AAK1: variants seen among roughly 807,000 people sequenced by gnomAD.
AAK1 encodes AP2-associated protein kinase 1.
In AAK1, 37 loss-of-function variants were observed where a neutral mutation model predicts 116.0. The ratio of observed to expected loss-of-function variants is 0.32; its 90% CI spans 0.25 to 0.42. The LOEUF (loss-of-function observed/expected upper bound fraction) is 0.42, where lower values mean the gene tolerates loss of function less well. Ranked by LOEUF, AAK1 falls within the 10% of genes least tolerant of loss-of-function variation. AAK1 has a pLI of 1.00. For missense variants in AAK1, 919 were observed against 1,170.6 expected, an observed-to-expected ratio of 0.79 and a Z score of 3.14; for synonymous variants, 458 against 439.9, an observed-to-expected ratio of 1.04 and a Z score of -0.51.
chr2:69,521,636 G>A (rs968114063), intron 10 of AAK1, among the ~76,000 whole-genome samples: 2 of 152,238 alleles, frequency 1.3e-5, no homozygotes, highest in African/African-American at 4.8e-5. Flanking sequence ...GGGTCACCCA[G>A]AGTAAAAATC....
At chr2:69,561,273 T>C (rs971721967) in intron 2 of AAK1, among the ~76,000 whole-genome samples, 3 of 152,214 alleles carry the variant, frequency 2.0e-5, no homozygotes, top group Non-Finnish European at 4.4e-5. Context: ...AGTTAAAAGA[T>C]GATTTGCAAA....
intron 16 of AAK1, among the ~76,000 whole-genome samples, chr2:69,498,550 C>T (rs1206292531): frequency 6.6e-6 from 1 of 152,152 alleles, no homozygotes; most frequent in Non-Finnish European, 1.5e-5. Context: ...GCCCCAGTCC[C>T]TTGCCCTCGC....
At chr2:69,561,667 A>G (rs2105096021) in intron 2 of AAK1, among the ~76,000 whole-genome samples, 1 of 152,332 alleles carries the variant, frequency 6.6e-6, no homozygotes, top group East Asian at 1.9e-4. Flanking sequence ...TCGCAACTGT[A>G]TATACCCGCA....
chr2:69,560,217 T>C (rs1671575840), intron 2 of AAK1, among the ~76,000 whole-genome samples: 1 of 152,208 alleles, frequency 6.6e-6, no homozygotes, highest in African/African-American at 2.4e-5. Context: ...CAAATGGAGA[T>C]GTAAACTAGG....
intron 17 of AAK1, among the ~76,000 whole-genome samples, chr2:69,492,136 C>G (rs17036664): frequency 6.6e-5 from 10 of 151,974 alleles, no homozygotes; most frequent in Admixed American, 2.6e-4. Flanking sequence ...GGTACTTGTA[C>G]GTGAAATCAT....
rs111426712 is a variant in AAK1, at chr2:69,560,007, C to G, written c.164-3029G>C. 7.4e-3 allele frequency among the ~76,000 whole-genome samples: 1,126 copies of G among 152,348 alleles called. 13 individuals carry two copies. Among genetic ancestry groups the G allele is most frequent in the African/African-American group, 0.024 (1,014 of 41,580 alleles). The stretch of plus-strand genomic sequence containing the variant: ...GCTGACAAGAGCCAGCCCAGATTCT[C>G]AAAGCCTATGACCATGATAAATCTA... On this transcript the variant is annotated intron_variant, in intron 2 of 21. Coordinates refer to ENST00000409085, the MANE Select transcript of AAK1 (RefSeq NM_014911.5).
At chr2:69,510,382 T>C (rs1047183402) in intron 13 of AAK1, among the ~76,000 whole-genome samples, 1 of 152,218 alleles carries the variant, frequency 6.6e-6, no homozygotes, top group Non-Finnish European at 1.5e-5. Flanking sequence ...TCCATCCTCC[T>C]TCTTTTTTAT....
intron 17 of AAK1, among the ~76,000 whole-genome samples, chr2:69,495,588 C>A (rs1675705825): frequency 6.6e-6 from 1 of 152,082 alleles, no homozygotes; most frequent in South Asian, 2.1e-4. Context: ...ACCCACAATC[C>A]CATGATCACA....
At chr2:69,559,249 A>ATCTCTC (rs139105045) in intron 2 of AAK1, among the ~76,000 whole-genome samples, 16 of 139,460 alleles carry the variant, frequency 1.1e-4, no homozygotes, top group African/African-American at 4.2e-4. Context: ...GGTCTTATCT[A>ATCTCTC]TCTCTCTCTC....
intron 15 of AAK1, among the ~76,000 whole-genome samples, chr2:69,506,933 G>T (rs1676207497): frequency 1.3e-5 from 2 of 151,760 alleles, no homozygotes; most frequent in South Asian, 4.2e-4. Context: ...TCAGGCAGAA[G>T]TATATCTTCT....
chr2:69,474,204 C>T lies in AAK1; in HGVS notation c.*1665G>A. On this transcript the variant is annotated 3_prime_UTR_variant, in exon 22 of 22. Coordinates refer to ENST00000409085, the MANE Select transcript of AAK1 (RefSeq NM_014911.5). ...TTAAACTTTTTTCCCCCATAAAGTG[C>T]AAATGTGAGGAAGAAGAAACAAAAG... 2 of 985,708 alleles carry T rather than the reference C, an allele frequency of 2.0e-6. No individual in the cohort carries two copies. The highest frequency in any genetic ancestry group is 3.5e-5 in the African/African-American group (2 of 57,278). 61.1% of individuals were successfully genotyped at this position (985,708 alleles called of 1,614,324 possible). A position where few individuals can be genotyped will look rare whatever the true frequency, so the allele number is the denominator to read the frequency against.
rs1674668707 is a variant in AAK1, at chr2:69,471,315, C to A, written c.*4554G>T. ...TTAGTGAAAGGAAATCTGGGAGAAGCAAAAGAGGTTTCTTGTTATAGATTT... is the reference window on the plus strand; with the variant it reads ...TTAGTGAAAGGAAATCTGGGAGAAGAAAAAGAGGTTTCTTGTTATAGATTT... On this transcript the variant is annotated 3_prime_UTR_variant, in exon 22 of 22. Transcript: ENST00000409085. The A allele has an allele frequency of 2.0e-6, 2 of 985,296 alleles. No individual in the cohort carries two copies. Among genetic ancestry groups the A allele is most frequent in the South Asian group, 9.4e-5 (2 of 21,290 alleles). The allele number at this position is 985,296 out of a possible 1,614,324, so 61.0% of individuals were successfully genotyped here.
rs116644758 is a variant in AAK1, at chr2:69,566,919, A to G, written c.164-9941T>C. 9.7e-3 allele frequency among the ~76,000 whole-genome samples: 1,477 copies of G among 152,288 alleles called. 31 individuals are homozygous for G. Among genetic ancestry groups the G allele is most frequent in the African/African-American group, 0.034 (1,422 of 41,554 alleles). The stretch of plus-strand genomic sequence containing the variant: ...TTTGCCGTACTGCTGCCACAGAGTT[A>G]GCTATCTGGCAAATGTAGAGAGATA... On this transcript the variant is annotated intron_variant, in intron 2 of 21. Transcript: ENST00000409085.
At chr2:69,533,330 G>C (rs1572932152) in intron 5 of AAK1, among the ~76,000 whole-genome samples, 1 of 152,172 alleles carries the variant, frequency 6.6e-6, no homozygotes, top group Non-Finnish European at 1.5e-5. Context: ...GTGTATGTGT[G>C]TGCAAACCTG....
intron 2 of AAK1, among the ~76,000 whole-genome samples, chr2:69,600,441 T>C (rs1339086687): frequency 6.6e-6 from 1 of 152,098 alleles, no homozygotes; most frequent in Non-Finnish European, 1.5e-5. Context: ...ATGGATGACT[T>C]TGGGGATTCA....
intron 2 of AAK1, among the ~76,000 whole-genome samples, chr2:69,582,625 T>A (rs58180583): frequency 0.019 from 2,851 of 152,220 alleles, 76 homozygotes; most frequent in African/African-American, 0.064. Flanking sequence ...CTATTCAATA[T>A]TCTACAGAGA....
chr2:69,524,398 C>T (rs1055407982), intron 10 of AAK1, among the ~76,000 whole-genome samples: 1 of 149,816 alleles, frequency 6.7e-6, no homozygotes, highest in African/African-American at 2.5e-5. Flanking sequence ...TACTCTTGTA[C>T]TAGCAACATT....
At chr2:69,548,495 T>C (rs1339917100) in intron 3 of AAK1, among the ~76,000 whole-genome samples, 3 of 151,764 alleles carry the variant, frequency 2.0e-5, no homozygotes, top group African/African-American at 7.3e-5. Context: ...TTTCTTTCTC[T>C]CTCCTTCCTT....
chr2:69,628,706 G>A (rs888652159), intron 2 of AAK1, among the ~76,000 whole-genome samples: 1 of 152,148 alleles, frequency 6.6e-6, no homozygotes, highest in Non-Finnish European at 1.5e-5. Context: ...TTTTAAAAGA[G>A]AAAGGAATAC....
Sources: allele counts gnomAD v4.1 joint callset (sites outside exome capture counted in the v4.1 genomes callset), GRCh38; gene constraint gnomAD v4.1.1; transcripts MANE v1.5; gene names NCBI Gene and HGNC (gene_info 2026-07-23, HGNC 2026-07-21).